Variants in EPHA7 observed in about 807,000 individuals in gnomAD.
EPHA7 encodes ephrin type-A receptor 7.
EPHA7 carries 25 observed loss-of-function variants against 112.6 expected under a neutral mutation model. That is an observed-to-expected ratio of 0.22 (90% CI 0.16 to 0.31). The LOEUF is 0.31. EPHA7 is among the 10% of genes least tolerant of loss of function. The probability of loss-of-function intolerance (pLI) is 1.00; values close to 1 mark genes in which losing one functional copy is unlikely to be tolerated. For missense variants in EPHA7, 962 were observed against 1,212.6 expected, an observed-to-expected ratio of 0.79 and a Z score of 3.07; for synonymous variants, 437 against 406.5, an observed-to-expected ratio of 1.07 and a Z score of -0.90.
chr6:93,343,254 A>G (rs1775230223), intron 5 of EPHA7, among the ~76,000 whole-genome samples: 1 of 151,720 alleles, frequency 6.6e-6, no homozygotes, highest in Admixed American at 6.6e-5. Flanking sequence ...ATAATCACTT[A>G]CATGCAATTT....
At chr6:93,392,871 ACAAT>A (rs1273294471) in intron 3 of EPHA7, among the ~76,000 whole-genome samples, 2 of 151,928 alleles carry the variant, frequency 1.3e-5, no homozygotes, top group Admixed American at 1.3e-4. Flanking sequence ...TATGAAATCA[ACAAT>A]CAATTTTCTT....
chr6:93,281,281 T>C (rs1411512642), intron 5 of EPHA7, among the ~76,000 whole-genome samples: 1 of 152,092 alleles, frequency 6.6e-6, no homozygotes, highest in African/African-American at 2.4e-5. Flanking sequence ...ATAAAATATA[T>C]TGAGAAAGAG....
At chr6:93,335,874 T>G (rs1199550757) in intron 5 of EPHA7, among the ~76,000 whole-genome samples, 1 of 152,120 alleles carries the variant, frequency 6.6e-6, no homozygotes, top group East Asian at 1.9e-4. Flanking sequence ...CATAGTGAAA[T>G]TATCTAATTC....
At chr6:93,298,385 C>T (rs1271531006) in intron 5 of EPHA7, among the ~76,000 whole-genome samples, 1 of 151,954 alleles carries the variant, frequency 6.6e-6, no homozygotes, top group Admixed American at 6.6e-5. Context: ...ATAAGGCTTT[C>T]AAACATCATA....
intron 3 of EPHA7, among the ~76,000 whole-genome samples, chr6:93,364,568 G>A (rs1582601228): frequency 6.7e-6 from 1 of 148,598 alleles, no homozygotes; most frequent in Non-Finnish European, 1.5e-5. Flanking sequence ...CATCAGTAAT[G>A]TACCTTCAAA....
At chr6:93,271,445 C>T (rs1252462409) in intron 6 of EPHA7, among the ~76,000 whole-genome samples, 1 of 151,768 alleles carries the variant, frequency 6.6e-6, no homozygotes, top group African/African-American at 2.4e-5. Context: ...CTTCAGGTAA[C>T]TCAGGTAAGC....
chr6:93,246,200 C>T (rs960381268), intron 15 of EPHA7, among the ~76,000 whole-genome samples: 6 of 151,822 alleles, frequency 4.0e-5, no homozygotes, highest in Non-Finnish European at 5.9e-5. Context: ...TACAGGCGCC[C>T]GCCACCACGC....
intron 5 of EPHA7, among the ~76,000 whole-genome samples, chr6:93,274,838 A>G (rs1036327857): frequency 6.6e-6 from 1 of 151,922 alleles, no homozygotes; most frequent in African/African-American, 2.4e-5. Flanking sequence ...TATAAAGGAT[A>G]CACAACTCAC....
chr6:93,251,279 C>T (rs2127851157), intron 14 of EPHA7, among the ~76,000 whole-genome samples: 1 of 151,964 alleles, frequency 6.6e-6, no homozygotes, highest in Admixed American at 6.6e-5. Flanking sequence ...CACAATTTAG[C>T]TGAGAATACA....
At chr6:93,346,704 T>C (rs1005592056) in intron 5 of EPHA7, among the ~76,000 whole-genome samples, 6 of 151,786 alleles carry the variant, frequency 4.0e-5, no homozygotes, top group African/African-American at 1.4e-4. Context: ...TAACTTGCTT[T>C]TTGTATTTTT....
chr6:93,405,837 A>G (rs1466272985), intron 3 of EPHA7, among the ~76,000 whole-genome samples: 3,648 of 136,256 alleles, frequency 0.027, 126 homozygotes, highest in Middle Eastern at 0.057. Flanking sequence ...ATATATATAT[A>G]TATATATATA....
intron 14 of EPHA7, among the ~76,000 whole-genome samples, chr6:93,249,832 G>A (rs532183175): frequency 6.6e-6 from 1 of 152,186 alleles, no homozygotes; most frequent in African/African-American, 2.4e-5. Context: ...CAAGCTTTCA[G>A]AATAACACTT....
chr6:93,256,077 C>A (rs373263220), intron 12 of EPHA7, 40 bp from the exon 13 acceptor site: 14 of 1,571,424 alleles, frequency 8.9e-6, no homozygotes, highest in Non-Finnish European at 1.1e-5. Flanking sequence ...TAACTGCATA[C>A]TTTAAAAGGG....
intron 5 of EPHA7, among the ~76,000 whole-genome samples, chr6:93,354,644 A>C (rs1016027182): frequency 4.0e-5 from 6 of 150,760 alleles, no homozygotes; most frequent in African/African-American, 1.5e-4. Context: ...AAAAAAAAAA[A>C]AAAAACCCTC....
chr6:93,414,490 C>T (rs920946579), intron 2 of EPHA7, among the ~76,000 whole-genome samples: 1 of 150,750 alleles, frequency 6.6e-6, no homozygotes, highest in African/African-American at 2.5e-5. Context: ...AAGACTATGG[C>T]TATGAGGTTT....
chr6:93,380,081 A>G (rs1777259288), intron 3 of EPHA7, among the ~76,000 whole-genome samples: 1 of 152,062 alleles, frequency 6.6e-6, no homozygotes, highest in South Asian at 2.1e-4. Flanking sequence ...GACAAAACAG[A>G]TTTCATTCTC....
At chr6:93,365,370 T>G (rs909260417) in intron 3 of EPHA7, among the ~76,000 whole-genome samples, 8 of 152,238 alleles carry the variant, frequency 5.3e-5, no homozygotes, top group African/African-American at 1.9e-4. Context: ...TTATTGCAGA[T>G]GAATATTCAT....
chr6:93,354,647 A>AC (rs762159586), intron 5 of EPHA7, among the ~76,000 whole-genome samples: 294 of 150,938 alleles, frequency 1.9e-3, no homozygotes, highest in Non-Finnish European at 3.3e-3. Context: ...AAAAAAAAAA[A>AC]AACCCTCCAG....
At chr6:93,341,565 T>C (rs1775139173) in intron 5 of EPHA7, among the ~76,000 whole-genome samples, 1 of 151,910 alleles carries the variant, frequency 6.6e-6, no homozygotes, top group Non-Finnish European at 1.5e-5. Flanking sequence ...TATAACTGAA[T>C]TTAAAGTACA....
Sources: allele counts gnomAD v4.1 joint callset (sites outside exome capture counted in the v4.1 genomes callset), GRCh38; gene constraint gnomAD v4.1.1; transcripts MANE v1.5; gene names NCBI Gene and HGNC (gene_info 2026-07-23, HGNC 2026-07-21).